The following CNTLN variants were observed in gnomAD, a reference collection of about 807,000 sequenced individuals.
The protein encoded by CNTLN is centlein, centrosomal protein.
A neutral mutation model predicts 180.0 loss-of-function variants in CNTLN; 212 were observed. The ratio of observed to expected loss-of-function variants is 1.18; its 90% CI spans 1.05 to 1.32. The LOEUF (loss-of-function observed/expected upper bound fraction) is 1.32, where lower values mean the gene tolerates loss of function less well. Ranked by LOEUF, CNTLN falls within the 40% of genes most tolerant of loss-of-function variation. The probability of loss-of-function intolerance (pLI) is 0.00; values close to 1 mark genes in which losing one functional copy is unlikely to be tolerated. For missense variants in CNTLN, 2,095 were observed against 1,610.9 expected (o/e 1.30, Z -5.14); for synonymous variants, 722 against 563.1 (o/e 1.28, Z -3.99).
chr9:17,252,583 T>C (rs911162747), intron 5 of CNTLN, among the ~76,000 whole-genome samples: 1 of 151,660 alleles, frequency 6.6e-6, no homozygotes, highest in Non-Finnish European at 1.5e-5. Context: ...TATAATGTGA[T>C]TTTTTAAAAA....
At chr9:17,372,447 G>A (rs1429690682) in intron 13 of CNTLN, among the ~76,000 whole-genome samples, 1 of 151,952 alleles carries the variant, frequency 6.6e-6, no homozygotes, top group Non-Finnish European at 1.5e-5. Flanking sequence ...GAGCCTCAAC[G>A]GAACTATAAT....
At chr9:17,262,792 AG>A (rs1827100019) in intron 5 of CNTLN, among the ~76,000 whole-genome samples, 1 of 151,384 alleles carries the variant, frequency 6.6e-6, no homozygotes. Flanking sequence ...CAGTTCTTAA[AG>A]GGAATGCTTC....
At chr9:17,365,222 G>A (rs1252220213) in intron 12 of CNTLN, among the ~76,000 whole-genome samples, 1 of 152,128 alleles carries the variant, frequency 6.6e-6, no homozygotes, top group African/African-American at 2.4e-5. Flanking sequence ...GTTCTCATAA[G>A]ATCCGGTTGT....
At chr9:17,291,789 C>T (rs1829429241) in intron 6 of CNTLN, among the ~76,000 whole-genome samples, 1 of 152,116 alleles carries the variant, frequency 6.6e-6, no homozygotes, top group African/African-American at 2.4e-5. Flanking sequence ...TTAATCGGGG[C>T]ATTTAGCCCA....
At chr9:17,417,391 A>T (rs202150735) in intron 18 of CNTLN, among the ~76,000 whole-genome samples, 2 of 152,186 alleles carry the variant, frequency 1.3e-5, no homozygotes, top group East Asian at 3.9e-4. Context: ...GATATTATAA[A>T]CTATCTGTAT....
chr9:17,421,507 T>G (rs1265866429), intron 18 of CNTLN, among the ~76,000 whole-genome samples: 1 of 152,082 alleles, frequency 6.6e-6, no homozygotes, highest in Non-Finnish European at 1.5e-5. Context: ...TTGGGTCTTG[T>G]TTTTTAATCC....
At chr9:17,238,417 C>A (rs1825285549) in intron 5 of CNTLN, among the ~76,000 whole-genome samples, 1 of 152,176 alleles carries the variant, frequency 6.6e-6, no homozygotes, top group African/African-American at 2.4e-5. Flanking sequence ...CTTCTCCCAG[C>A]TTTCTCCCAT....
chr9:17,382,390 T>C (rs1297941143), intron 13 of CNTLN, among the ~76,000 whole-genome samples: 1 of 152,168 alleles, frequency 6.6e-6, no homozygotes, highest in Non-Finnish European at 1.5e-5. Flanking sequence ...CCTTCGGAAA[T>C]GGTCATCCTA....
chr9:17,509,721 G>T, the CNTLN span, among the ~76,000 whole-genome samples: 1 of 152,218 alleles, frequency 6.6e-6, no homozygotes, highest in African/African-American at 2.4e-5. Context: ...CACAAATCAG[G>T]GGGTGGAATT....
intron 1 of CNTLN, among the ~76,000 whole-genome samples, chr9:17,141,965 C>G (rs931309881): frequency 8.6e-5 from 13 of 151,698 alleles, no homozygotes; most frequent in African/African-American, 2.9e-4. Flanking sequence ...GCCTGTAGTT[C>G]CAGCTACTCA....
At chr9:17,179,847 A>G (rs1821009736) in intron 2 of CNTLN, among the ~76,000 whole-genome samples, 1 of 110,448 alleles carries the variant, frequency 9.1e-6, no homozygotes, top group African/African-American at 2.6e-5. Flanking sequence ...TTTGAGCTCT[A>G]AAGTCTAAAG....
intron 1 of CNTLN, among the ~76,000 whole-genome samples, chr9:17,136,683 G>A (rs1027134716): frequency 2.0e-5 from 3 of 152,184 alleles, no homozygotes; most frequent in Non-Finnish European, 4.4e-5. Flanking sequence ...AGTGAAGGGT[G>A]TAAAAATGGG....
At chr9:17,317,195 A>T (rs1463318867) in intron 8 of CNTLN, among the ~76,000 whole-genome samples, 1 of 152,124 alleles carries the variant, frequency 6.6e-6, no homozygotes, top group African/African-American at 2.4e-5. Flanking sequence ...TAATAGATGG[A>T]TACTGTTTAG....
intron 2 of CNTLN, among the ~76,000 whole-genome samples, chr9:17,206,082 G>A (rs1233359989): frequency 2.0e-5 from 3 of 152,128 alleles, no homozygotes; most frequent in Admixed American, 6.5e-5. Context: ...GCCAACTGCC[G>A]TCAGTGCTGG....
chr9:17,241,773 C>T (rs147453667), intron 5 of CNTLN, among the ~76,000 whole-genome samples: 137 of 151,998 alleles, frequency 9.0e-4, no homozygotes, highest in African/African-American at 3.1e-3. Flanking sequence ...TCTTTAACTA[C>T]TTTGGTTAAT....
chr9:17,188,852 A>G (rs1038024561), intron 2 of CNTLN, among the ~76,000 whole-genome samples: 1 of 151,888 alleles, frequency 6.6e-6, no homozygotes, highest in Admixed American at 6.6e-5. Context: ...TGAATTGCTT[A>G]ATTTCATTAT....
the CNTLN span, among the ~76,000 whole-genome samples, chr9:17,515,645 T>TA: frequency 6.6e-6 from 1 of 152,138 alleles, no homozygotes; most frequent in Non-Finnish European, 1.5e-5. Flanking sequence ...TTTTTACTCA[T>TA]ACTCCCTTCA....
intron 1 of CNTLN, among the ~76,000 whole-genome samples, chr9:17,140,738 C>G (rs1017683174): frequency 1.3e-5 from 2 of 152,080 alleles, no homozygotes; most frequent in African/African-American, 4.8e-5. Context: ...TGTGCTCGCC[C>G]TAATGGTTAT....
chr9:17,260,886 G>T (rs571921330), intron 5 of CNTLN, among the ~76,000 whole-genome samples: 5 of 151,250 alleles, frequency 3.3e-5, no homozygotes, highest in Admixed American at 1.3e-4. Context: ...TCAATCTTCC[G>T]CATTTGGCTA....
Sources: allele counts gnomAD v4.1 joint callset (sites outside exome capture counted in the v4.1 genomes callset), GRCh38; gene constraint gnomAD v4.1.1; transcripts MANE v1.5; gene names NCBI Gene and HGNC (gene_info 2026-07-23, HGNC 2026-07-21).